The following PLAC8L1 variants were observed in gnomAD, a reference collection of about 807,000 sequenced individuals.
PLAC8L1 encodes PLAC8-like protein 1.
PLAC8L1 carries 13 observed loss-of-function variants against 16.3 expected under a neutral mutation model. The ratio of observed to expected loss-of-function variants is 0.80; its 90% CI spans 0.52 to 1.27. The LOEUF (loss-of-function observed/expected upper bound fraction) is 1.27. Among genes scored for constraint, PLAC8L1 ranks in the 50% most tolerant of loss-of-function variants. PLAC8L1 has a pLI of 0.00. For synonymous variants in PLAC8L1, 78 were observed against 79.3 expected (o/e 0.98, Z 0.09); for missense variants, 184 against 220.2 (o/e 0.84, Z 1.04).
In PLAC8L1 at chr5:146,084,372, T is replaced by C. The variant is rs1763469335; in HGVS notation, c.*60A>G. ...GTAAAAACTTAGGAAAAAGCAATTG[T>C]TCCACTGAGAGGTTTGAGAGGAGGG... On this transcript the variant is annotated 3_prime_UTR_variant, in exon 4 of 4. Transcript: ENST00000311450. 1 of 1,564,562 alleles carries C rather than the reference T, an allele frequency of 6.4e-7. No homozygotes were observed. The highest frequency in any genetic ancestry group is 1.4e-5 in the African/African-American group (1 of 73,454).
Position 146,098,133 on chromosome 5 carries a change from TTAAA to T in PLAC8L1, c.256+19_256+22del. ...GGAAAAGAAAATAGTAAGGAGGAAC[TTAAA>T]TAAGGAGGAAAAACTTACAAATTCT... is the stretch of plus-strand genomic sequence containing the variant. On this transcript the variant is annotated intron_variant, in intron 2 of 3. Coordinates refer to ENST00000311450, the MANE Select transcript of PLAC8L1 (RefSeq NM_001029869.3). 1.9e-6 allele frequency: 3 copies of T among 1,599,682 alleles called. No individual in the cohort carries two copies. The highest frequency in any genetic ancestry group is 2.6e-6 in the Non-Finnish European group (3 of 1,170,346).
intron 2 of PLAC8L1, among the ~76,000 whole-genome samples, chr5:146,091,612 CAT>C (rs1188118110): frequency 6.6e-6 from 1 of 151,298 alleles, no homozygotes; most frequent in Non-Finnish European, 1.5e-5. Context: ...GCCTGGGAAA[CAT>C]AGCGAGACTC....
At chr5:146,097,298 A>G (rs1236117255) in intron 2 of PLAC8L1, among the ~76,000 whole-genome samples, 1 of 152,246 alleles carries the variant, frequency 6.6e-6, no homozygotes, top group Non-Finnish European at 1.5e-5. Context: ...GCCCCTCTTT[A>G]TAGCTGAAAA....
chr5:146,101,426 C>T (rs1437468813), intron 1 of PLAC8L1, among the ~76,000 whole-genome samples: 2 of 152,096 alleles, frequency 1.3e-5, no homozygotes, highest in Non-Finnish European at 2.9e-5. Context: ...CTACGGCAAC[C>T]GAAACAGATT....
rs139904490 is a variant in PLAC8L1, at chr5:146,088,749, TA to T, written c.257-3153del. ...AGACTGGGATATTTCACCCTACATTTAAAAAGTAATCTCAAGTAGATCAGCA... is the reference window on the plus strand; with the variant it reads ...AGACTGGGATATTTCACCCTACATTTAAAAGTAATCTCAAGTAGATCAGCA... On this transcript the variant is annotated intron_variant, in intron 2 of 3. Transcript: ENST00000311450. 2.2e-3 allele frequency among the ~76,000 whole-genome samples: 334 copies of T among 152,214 alleles called. 3 individuals carry two copies. The highest frequency in any genetic ancestry group is 7.8e-3 in the African/African-American group (325 of 41,508).
intron 1 of PLAC8L1, among the ~76,000 whole-genome samples, chr5:146,102,751 T>C (rs1366374231): frequency 6.6e-6 from 1 of 152,204 alleles, no homozygotes; most frequent in Non-Finnish European, 1.5e-5. Flanking sequence ...AAAGTTCAAA[T>C]AGTCACATTC....
intron 2 of PLAC8L1, among the ~76,000 whole-genome samples, chr5:146,091,054 C>T (rs1763611386): frequency 7.0e-6 from 1 of 141,870 alleles, no homozygotes; most frequent in African/African-American, 2.9e-5. Context: ...AACTCTGTCT[C>T]GAAAAAAAAA....
At position 146,098,196 on chromosome 5, in the gene PLAC8L1, C is replaced by T. The variant is rs766713883; in HGVS notation, c.216G>A (p.Trp72Ter). 6.2e-7 allele frequency: 1 copy of T among 1,614,036 alleles called. No homozygotes were observed. Among genetic ancestry groups the T allele is most frequent in the Non-Finnish European group, 8.5e-7 (1 of 1,179,952 alleles). The change falls in exon 2 of 4, where the codon TGG (tryptophan) becomes TGA (stop). Residue 72 changes from tryptophan (W) to a stop codon, truncating the protein, a stop_gained. Coordinates refer to ENST00000311450, the MANE Select transcript of PLAC8L1 (RefSeq NM_001029869.3). LOFTEE classifies it high-confidence loss of function. ...TGCAGACACTGAAGAGACCGGTGCT[C>T]CAGCCCCCGCCAGTCTGGACAATTG... Reference protein sequence around the residue: ...ITAIVQTGGGWSTGLFSVCRD... With the variant: ...ITAIVQTGGG
chr5:146,092,815 C>T (rs947322771), intron 2 of PLAC8L1, among the ~76,000 whole-genome samples: 2 of 152,012 alleles, frequency 1.3e-5, no homozygotes, highest in South Asian at 2.1e-4. Flanking sequence ...GGATTACAGG[C>T]GAGAGCCACC....
At chr5:146,104,132 G>A (rs1763869515) in intron 1 of PLAC8L1, 61 bp downstream of exon 1, 2 of 1,586,246 alleles carry the variant, frequency 1.3e-6, no homozygotes, top group East Asian at 2.3e-5. Context: ...ATAAGTAGAG[G>A]TTGATTCGAT....
chr5:146,101,753 G>A (rs1449537513), intron 1 of PLAC8L1, among the ~76,000 whole-genome samples: 2 of 152,154 alleles, frequency 1.3e-5, no homozygotes, highest in African/African-American at 2.4e-5. Context: ...ACAAGCAGAG[G>A]GTAGCCTAAA....
intron 2 of PLAC8L1, 104 bp from the exon 3 acceptor site, chr5:146,085,701 C>A: frequency 8.2e-7 from 1 of 1,216,212 alleles, no homozygotes; most frequent in Non-Finnish European, 1.1e-6. Flanking sequence ...TAATGCTGCA[C>A]TGTCTCCCTG....
At chr5:146,100,876 T>A (rs1010015418) in intron 1 of PLAC8L1, among the ~76,000 whole-genome samples, 2 of 152,064 alleles carry the variant, frequency 1.3e-5, no homozygotes, top group Non-Finnish European at 2.9e-5. Context: ...TTAAGTGAAG[T>A]TGTAGGGGTG....
At chr5:146,086,167 C>A (rs1241342461) in intron 2 of PLAC8L1, among the ~76,000 whole-genome samples, 1 of 149,128 alleles carries the variant, frequency 6.7e-6, no homozygotes, top group African/African-American at 2.5e-5. Flanking sequence ...GTAGCTGGGA[C>A]TACAGGCGCC....
rs562477842 is a variant in PLAC8L1 at position 146,104,837 on chromosome 5, G to A, written c.-526C>T. ...TATTTGAATCCATCTTATGAAAGGT[G>A]GTCTCCTCAAGTTTGAGCTATGGTA... On this transcript the variant is annotated 5_prime_UTR_variant, in exon 1 of 4. Coordinates refer to ENST00000311450, the MANE Select transcript of PLAC8L1 (RefSeq NM_001029869.3). The A allele has an allele frequency of 6.5e-6, 1 of 153,062 alleles. No individual in the cohort carries two copies. The highest frequency in any genetic ancestry group is 2.1e-4 in the South Asian group (1 of 4,864). 9.5% of individuals were successfully genotyped at this position (153,062 alleles called of 1,614,324 possible).
At chr5:146,098,538 T>C (rs1263355027) in intron 1 of PLAC8L1, among the ~76,000 whole-genome samples, 1 of 152,216 alleles carries the variant, frequency 6.6e-6, no homozygotes, top group Non-Finnish European at 1.5e-5. Flanking sequence ...AAGCTCAATG[T>C]CCAGTCTACT....
At position 146,084,505 on chromosome 5, in the gene PLAC8L1, C is replaced by T. The variant is rs533845708; in HGVS notation, c.461G>A (p.Arg154Gln). 38 of 1,614,138 alleles carry T rather than the reference C, an allele frequency of 2.4e-5. No individual in the cohort carries two copies. The South Asian group carries it at 2.9e-4, about 12-fold the overall frequency. ...CWAFSICQVA[R>Q]ELKMRTSQVY... is the part of the protein sequence containing the mutation. ...TTGGGAGGTCCTCATCTTGAGTTCC[C>T]GGGCCACCTGGCAGATGGAAAAAGC... is the stretch of plus-strand genomic sequence containing the variant. Residue 154 changes from arginine to glutamine, a missense_variant, in exon 4 of 4, where the codon CGG (arginine) becomes CAG (glutamine). Transcript: ENST00000311450.
intron 2 of PLAC8L1, among the ~76,000 whole-genome samples, chr5:146,090,289 T>C (rs1029158469): frequency 6.6e-6 from 1 of 151,958 alleles, no homozygotes; most frequent in African/African-American, 2.4e-5. Flanking sequence ...ATCCCAACAC[T>C]TTGAGAGGCC....
At position 146,105,501 on chromosome 5, in the gene PLAC8L1, T is replaced by C. The variant is rs1763894024; in HGVS notation, c.-1190A>G. On this transcript the variant is annotated 5_prime_UTR_variant, in exon 1 of 4. Coordinates refer to ENST00000311450, the MANE Select transcript of PLAC8L1 (RefSeq NM_001029869.3). ...TGGCACATAAAAAGCACTCAATAATTTGTTGAATAAATGTGCCCTACATGA... is the reference window on the plus strand; with the variant it reads ...TGGCACATAAAAAGCACTCAATAATCTGTTGAATAAATGTGCCCTACATGA... 6.6e-6 allele frequency among the ~76,000 whole-genome samples: 1 copy of C among 150,700 alleles called. No homozygotes were observed. Among genetic ancestry groups the C allele is most frequent in the South Asian group, 2.1e-4 (1 of 4,780 alleles).
Sources: gnomAD v4.1 joint callset for allele counts (sites outside exome capture counted in the v4.1 genomes callset) on GRCh38, gnomAD v4.1.1 for gene constraint, MANE v1.5 for transcripts, NCBI Gene and HGNC (gene_info 2026-07-23, HGNC 2026-07-21) for gene names.